The following ACMSD variants were observed in gnomAD, a reference collection of about 807,000 sequenced individuals.
ACMSD encodes aminocarboxymuconate semialdehyde decarboxylase.
In ACMSD, 37 loss-of-function variants were observed where a neutral mutation model predicts 45.9. That is an observed-to-expected ratio of 0.81 (90% CI 0.62 to 1.06). ACMSD has a LOEUF of 1.06. ACMSD is among the 50% of genes least tolerant of loss of function. ACMSD has a pLI of 0.00. For missense variants in ACMSD, 434 were observed against 420.9 expected, an observed-to-expected ratio of 1.03 and a Z score of -0.27; for synonymous variants, 138 against 148.8, an observed-to-expected ratio of 0.93 and a Z score of 0.53.
At chr2:134,851,396 A>G (rs575900928) in intron 2 of ACMSD, among the ~76,000 whole-genome samples, 1 of 152,136 alleles carries the variant, frequency 6.6e-6, no homozygotes, top group African/African-American at 2.4e-5. Flanking sequence ...ACTGCTTTCC[A>G]CAGTCAGATA....
At chr2:134,862,136 C>G in intron 4 of ACMSD, 118 bp downstream of exon 4, 1 of 1,087,264 alleles carries the variant, frequency 9.2e-7, no homozygotes, top group South Asian at 1.3e-5. Context: ...CAACAACTGT[C>G]CTCCCCTTTA....
intron 5 of ACMSD, 52 bp downstream of exon 5, chr2:134,863,683 G>A (rs1215698949): frequency 1.3e-6 from 2 of 1,576,478 alleles, no homozygotes; most frequent in African/African-American, 1.3e-5. Flanking sequence ...CCTGGGCCGG[G>A]GGCACCGCTG....
intron 2 of ACMSD, among the ~76,000 whole-genome samples, chr2:134,852,865 G>A (rs548857619): frequency 2.0e-5 from 3 of 152,138 alleles, no homozygotes; most frequent in Non-Finnish European, 4.4e-5. Context: ...GAAAGACTGA[G>A]TTTAAAAATA....
intron 7 of ACMSD, 73 bp downstream of exon 7, chr2:134,871,133 A>G: frequency 7.5e-7 from 1 of 1,334,136 alleles, no homozygotes. Flanking sequence ...CTGTAAGAAA[A>G]CAGAAATTTA....
At chr2:134,890,613 C>T (rs866135608) in intron 8 of ACMSD, among the ~76,000 whole-genome samples, 1 of 151,876 alleles carries the variant, frequency 6.6e-6, no homozygotes, top group African/African-American at 2.4e-5. Flanking sequence ...ATACTGTGGT[C>T]ATATAAAAAG....
chr2:134,900,703 T>C (rs1690448698), intron 9 of ACMSD, among the ~76,000 whole-genome samples: 2 of 152,182 alleles, frequency 1.3e-5, no homozygotes, highest in South Asian at 4.1e-4. Flanking sequence ...GGTCTTGGAA[T>C]GTATCCTTCA....
chr2:134,870,923 G>C, intron 6 of ACMSD, 42 bp from the exon 7 acceptor site: 1 of 1,535,912 alleles, frequency 6.5e-7, no homozygotes, highest in Non-Finnish European at 9.0e-7. Flanking sequence ...TCTTCTTGGT[G>C]GGGTGATCAT....
chr2:134,854,954 G>A (rs1010727635), intron 2 of ACMSD, among the ~76,000 whole-genome samples: 2 of 152,008 alleles, frequency 1.3e-5, no homozygotes, highest in African/African-American at 4.8e-5. Flanking sequence ...TGCTATACTG[G>A]GTATTTTATA....
chr2:134,897,885 G>GTT (rs539416140), intron 8 of ACMSD, among the ~76,000 whole-genome samples: 15 of 133,164 alleles, frequency 1.1e-4, no homozygotes, highest in East Asian at 6.2e-4. Flanking sequence ...TTTTGTTTTT[G>GTT]TTTTTTTTTT....
intron 8 of ACMSD, 141 bp from the exon 9 acceptor site, chr2:134,898,200 A>C (rs1264849370): frequency 5.9e-6 from 3 of 509,942 alleles, no homozygotes; most frequent in Non-Finnish European, 9.9e-6. Flanking sequence ...TTAAAATTTT[A>C]GACAAGTTTT....
At chr2:134,859,391 G>A (rs1478081030) in intron 3 of ACMSD, 34 bp downstream of exon 3, 1 of 1,587,664 alleles carries the variant, frequency 6.3e-7, no homozygotes, top group Non-Finnish European at 8.6e-7. Flanking sequence ...GTTAGCATCT[G>A]ATGTAAAAGC....
At chr2:134,898,195 A>C (rs920719852) in intron 8 of ACMSD, 146 bp from the exon 9 acceptor site, 1 of 506,616 alleles carries the variant, frequency 2.0e-6, no homozygotes, top group African/African-American at 2.0e-5. Context: ...TCTTTTTAAA[A>C]TTTTAGACAA....
Position 134,838,716 on chromosome 2 carries a change from A to C in ACMSD, c.34A>C (p.Lys12Gln), listed in dbSNP as rs1686646207. The C allele has an allele frequency of 1.2e-6, 2 of 1,612,276 alleles. No individual in the cohort carries two copies. The highest frequency in any genetic ancestry group is 1.7e-6 in the Non-Finnish European group (2 of 1,178,714). Residue 12 changes from lysine to glutamine, a missense_variant, in exon 1 of 10, where the codon AAA becomes CAA. Transcript: ENST00000356140. ...TGACATCCATAGTCATATTCTACCA[A>C]AAGAATGGCCAGATCTAAAAAAGGT... ...KIDIHSHILP[K>Q]EWPDLKKRFG...
rs1336999466 is a variant in ACMSD, at chr2:134,872,443, C to T, written c.677-26C>T. On this transcript the variant is annotated intron_variant, in intron 7 of 9. Transcript: ENST00000356140. The stretch of plus-strand genomic sequence containing the variant: ...GGAATCCTTTACAATCAACACTAGC[C>T]CCTCAGTAATGGGTTTTACTTGCAG... 1.9e-6 allele frequency: 3 copies of T among 1,613,854 alleles called. No individual in the cohort carries two copies. In the Admixed American group the frequency reaches 5.0e-5, roughly 27 times the overall value.
intron 8 of ACMSD, among the ~76,000 whole-genome samples, chr2:134,886,246 A>ATTATTATTTTTTTT: frequency 1.7e-5 from 2 of 115,476 alleles, no homozygotes; most frequent in African/African-American, 7.2e-5. Context: ...TATTATTATT[A>ATTATTATTTTTTTT]TTTTTTTTTT....
chr2:134,851,613 T>C (rs1687349330), intron 2 of ACMSD, among the ~76,000 whole-genome samples: 1 of 152,186 alleles, frequency 6.6e-6, no homozygotes, highest in Non-Finnish European at 1.5e-5. Flanking sequence ...CGGCTAATTT[T>C]TGTATTTTTA....
chr2:134,885,193 C>G (rs1250051858), intron 8 of ACMSD, among the ~76,000 whole-genome samples: 1 of 133,942 alleles, frequency 7.5e-6, no homozygotes, highest in Non-Finnish European at 1.5e-5. Flanking sequence ...GAGACTTTGT[C>G]TCAAAAAATA....
In ACMSD at chr2:134,886,233, C is replaced by CATTATTATT. The variant is rs1170785128; in HGVS notation, c.850-12101_850-12093dup. On this transcript the variant is annotated intron_variant, in intron 8 of 9. Transcript: ENST00000356140. ...TACTTGGCAAAATTCATTACCCATT[C>CATTATTATT]ATTATTATTATTATTTTTTTTTTTT... Among the ~76,000 whole-genome samples, 141 of 128,236 alleles carry CATTATTATT rather than the reference C, an allele frequency of 1.1e-3. 2 individuals are homozygous for CATTATTATT. The highest frequency in any genetic ancestry group is 1.5e-3 in the African/African-American group (47 of 31,370). The allele number at this position is 128,236 out of a possible 152,430, so 84.1% of individuals were successfully genotyped here. A position where few individuals can be genotyped will look rare whatever the true frequency, so the allele number is the denominator to read the frequency against.
At chr2:134,888,312 TATG>T (rs1360329404) in intron 8 of ACMSD, among the ~76,000 whole-genome samples, 2 of 152,100 alleles carry the variant, frequency 1.3e-5, no homozygotes, top group African/African-American at 4.8e-5. Flanking sequence ...CAATTTAAAC[TATG>T]ATGAGAAAAC....
Sources: gnomAD v4.1 joint callset for allele counts (sites outside exome capture counted in the v4.1 genomes callset) on GRCh38, gnomAD v4.1.1 for gene constraint, MANE v1.5 for transcripts, NCBI Gene and HGNC (gene_info 2026-07-23, HGNC 2026-07-21) for gene names.